SRPK2: variants seen among roughly 807,000 people sequenced by gnomAD.
SRPK2 encodes the protein SRSF protein kinase 2.
Under a neutral mutation model 90.8 loss-of-function variants are expected in SRPK2, and 21 were observed. That is an observed-to-expected ratio of 0.23 (90% CI 0.16 to 0.33). The LOEUF (loss-of-function observed/expected upper bound fraction) is 0.33, where lower values mean the gene tolerates loss of function less well. Ranked by LOEUF, SRPK2 falls within the 10% of genes least tolerant of loss-of-function variation. SRPK2 has a pLI of 1.00. For synonymous variants in SRPK2, 288 were observed against 311.1 expected (o/e 0.93, Z 0.78); for missense variants, 620 against 869.0 (o/e 0.71, Z 3.60).
At position 105,193,496 on chromosome 7, in the gene SRPK2, G is replaced by A. The variant is rs541461476; in HGVS notation, c.229+10132C>T. On this transcript the variant is annotated intron_variant, in intron 3 of 15. Transcript: ENST00000393651. ...CCTTCAAATTTTCTCTTTTTGCTTA[G>A]TCTTGCTTTGACTATGCAGACTCTT... Among the ~76,000 whole-genome samples the A allele has an allele frequency of 2.0e-5, 3 of 152,272 alleles. 1 individual carries two copies. Among genetic ancestry groups the A allele is most frequent in the African/African-American group, 7.2e-5 (3 of 41,548 alleles).
At chr7:105,282,605 A>G (rs1374188153) in intron 2 of SRPK2, among the ~76,000 whole-genome samples, 3 of 152,178 alleles carry the variant, frequency 2.0e-5, no homozygotes, top group African/African-American at 7.2e-5. Context: ...CCTGCCCAAC[A>G]TGGCAAAACC....
intron 2 of SRPK2, among the ~76,000 whole-genome samples, chr7:105,282,563 G>A (rs990292940): frequency 6.6e-6 from 1 of 152,184 alleles, no homozygotes; most frequent in African/African-American, 2.4e-5. Flanking sequence ...TGTGCATTGG[G>A]AGGCCAAGGT....
chr7:105,306,898 T>C (rs1243735230), intron 2 of SRPK2, among the ~76,000 whole-genome samples: 1 of 152,158 alleles, frequency 6.6e-6, no homozygotes, highest in Non-Finnish European at 1.5e-5. Flanking sequence ...TGATTATAGA[T>C]ATGGAGACTC....
At chr7:105,369,856 C>T (rs1367590784) in intron 2 of SRPK2, among the ~76,000 whole-genome samples, 2 of 152,028 alleles carry the variant, frequency 1.3e-5, no homozygotes, top group South Asian at 2.1e-4. Context: ...GGAGAAACCC[C>T]GTCTCTACTA....
At chr7:105,393,207 G>A (rs1382300962), upstream of SRPK2, among the ~76,000 whole-genome samples, 1 of 150,190 alleles carries the variant, frequency 6.7e-6, no homozygotes, top group Non-Finnish European at 1.5e-5. Flanking sequence ...TGTTGGCCAG[G>A]CTGGTCTCAA....
intron 2 of SRPK2, among the ~76,000 whole-genome samples, chr7:105,342,033 G>A (rs1277917701): frequency 1.3e-5 from 2 of 152,050 alleles, no homozygotes; most frequent in Admixed American, 1.3e-4. Context: ...GGAGGCCAAG[G>A]TGGGCGGATC....
At chr7:105,199,628 G>C (rs947777663) in intron 3 of SRPK2, among the ~76,000 whole-genome samples, 22 of 152,268 alleles carry the variant, frequency 1.4e-4, no homozygotes, top group Admixed American at 1.0e-3. Context: ...ATGAGGATGG[G>C]AAGAGCCCAG....
At chr7:105,376,882 T>TACACACACACACACAC (rs34080086) in intron 2 of SRPK2, among the ~76,000 whole-genome samples, 81 of 121,038 alleles carry the variant, frequency 6.7e-4, no homozygotes, top group African/African-American at 1.9e-3. Flanking sequence ...TTTTCTCCTT[T>TACACACACACACACAC]ACACACACAC....
chr7:105,244,534 A>C (rs770987792), intron 2 of SRPK2: 1 of 531,348 alleles, frequency 1.9e-6, no homozygotes, highest in Non-Finnish European at 3.4e-6. Context: ...AGATCGTGCC[A>C]CTGCACTCCC....
intron 2 of SRPK2, among the ~76,000 whole-genome samples, chr7:105,387,326 A>C (rs547818634): frequency 3.0e-4 from 46 of 152,340 alleles, no homozygotes; most frequent in Non-Finnish European, 6.2e-4. Context: ...TGGTTCACCA[A>C]AGGAAATCTC....
intron 2 of SRPK2, among the ~76,000 whole-genome samples, chr7:105,320,388 C>T (rs1812807318): frequency 6.6e-6 from 1 of 152,092 alleles, no homozygotes; most frequent in African/African-American, 2.4e-5. Flanking sequence ...TTATGTGAAA[C>T]AAAATATGGA....
At chr7:105,173,308 C>T (rs1791395321) in intron 3 of SRPK2, among the ~76,000 whole-genome samples, 2 of 152,142 alleles carry the variant, frequency 1.3e-5, no homozygotes, top group Non-Finnish European at 2.9e-5. Context: ...GTATAACGCA[C>T]TTAACTTACT....
intron 2 of SRPK2, among the ~76,000 whole-genome samples, chr7:105,231,554 T>C (rs1307168668): frequency 6.6e-6 from 1 of 152,212 alleles, no homozygotes; most frequent in Non-Finnish European, 1.5e-5. Context: ...TGTTCCCTTT[T>C]CTCCGCAATC....
At chr7:105,318,240 G>A (rs1231498204) in intron 2 of SRPK2, among the ~76,000 whole-genome samples, 6 of 152,158 alleles carry the variant, frequency 3.9e-5, no homozygotes, top group South Asian at 2.1e-4. Context: ...GATTACAGGC[G>A]CACGCCAGGT....
intron 11 of SRPK2, among the ~76,000 whole-genome samples, chr7:105,140,702 C>T (rs1803614218): frequency 1.3e-5 from 2 of 152,126 alleles, no homozygotes; most frequent in Non-Finnish European, 2.9e-5. Flanking sequence ...GTGGCTCACG[C>T]CTGTAATCCC....
chr7:105,261,578 G>A (rs1211783916), intron 2 of SRPK2, among the ~76,000 whole-genome samples: 1 of 151,896 alleles, frequency 6.6e-6, no homozygotes, highest in Non-Finnish European at 1.5e-5. Context: ...AACCTTGACA[G>A]TTTGTAACAA....
intron 2 of SRPK2, among the ~76,000 whole-genome samples, chr7:105,213,740 G>A (rs538113763): frequency 5.9e-5 from 9 of 152,270 alleles, no homozygotes; most frequent in Non-Finnish European, 1.2e-4. Flanking sequence ...AGCCAGCTAG[G>A]TGCAGAGTGA....
chr7:105,222,797 TGAA>T (rs1330304506), intron 2 of SRPK2, among the ~76,000 whole-genome samples: 3 of 152,166 alleles, frequency 2.0e-5, no homozygotes, highest in Non-Finnish European at 4.4e-5. Context: ...TGTTTCATCA[TGAA>T]GAAGAATGAT....
chr7:105,160,851 T>C (rs1160068789), intron 6 of SRPK2, among the ~76,000 whole-genome samples: 2 of 152,314 alleles, frequency 1.3e-5, no homozygotes, highest in Admixed American at 6.5e-5. Context: ...CGCTCTCAGA[T>C]ACCAAAATGT....
Sources: allele counts gnomAD v4.1 joint callset (sites outside exome capture counted in the v4.1 genomes callset), GRCh38; gene constraint gnomAD v4.1.1; transcripts MANE v1.5; gene names NCBI Gene and HGNC (gene_info 2026-07-23, HGNC 2026-07-21).